Variants in RBFOX1 observed in about 807,000 individuals in gnomAD.
RBFOX1 encodes the protein RNA binding protein fox-1 homolog 1.
In RBFOX1, 8 loss-of-function variants were observed where a neutral mutation model predicts 57.7. The ratio of observed to expected loss-of-function variants is 0.14; its 90% CI spans 0.08 to 0.25. RBFOX1 has a LOEUF of 0.25. Ranked by LOEUF, RBFOX1 falls within the 10% of genes least tolerant of loss-of-function variation. The pLI is 1.00. For missense variants in RBFOX1, 611 were observed against 548.5 expected (o/e 1.11, Z -1.14); for synonymous variants, 326 against 222.4 (o/e 1.47, Z -4.15).
In RBFOX1 at chr16:7,341,736, TTCCCTCCC is replaced by T. The variant is rs1166119622; in HGVS notation, c.28-176399_28-176392del. 3.8e-3 allele frequency among the ~76,000 whole-genome samples: 275 copies of T among 71,958 alleles called. 2 individuals are homozygous for T. In the Middle Eastern group the frequency reaches 0.045, roughly 12 times the overall value. 47.2% of individuals were successfully genotyped at this position (71,958 alleles called of 152,430 possible). On this transcript the variant is annotated intron_variant, in intron 4 of 15. Transcript: ENST00000550418. ...CTTCCTTCCCTCCCTCCCTCCCTCC[TTCCCTCCC>T]TCCCTCCCTCCTTCCCTCCTTCCCT...
chr16:6,380,401 T>A (rs866792691), intron 2 of RBFOX1, among the ~76,000 whole-genome samples: 3 of 12,600 alleles, frequency 2.4e-4, no homozygotes, highest in Admixed American at 2.2e-3. Context: ...GGTGGGGATT[T>A]TTTTTTTTTT....
chr16:7,243,994 GGAGA>G (rs1317347455), intron 4 of RBFOX1, among the ~76,000 whole-genome samples: 2 of 128,706 alleles, frequency 1.6e-5, no homozygotes, highest in African/African-American at 6.4e-5. Flanking sequence ...CTTTTTTCCT[GGAGA>G]GAATGTTCAT....
At chr16:6,353,959 C>T (rs2086838159) in intron 2 of RBFOX1, among the ~76,000 whole-genome samples, 1 of 152,130 alleles carries the variant, frequency 6.6e-6, no homozygotes, top group Non-Finnish European at 1.5e-5. Flanking sequence ...ACAGTTCACG[C>T]CTGTAGTCCC....
intron 4 of RBFOX1, among the ~76,000 whole-genome samples, chr16:7,468,086 G>A (rs1050181472): frequency 6.6e-5 from 10 of 152,170 alleles, no homozygotes; most frequent in African/African-American, 2.4e-4. Context: ...GCAAATAAGC[G>A]AGCATCACAG....
At chr16:5,364,501 A>T (rs2065649502) in intron 1 of RBFOX1, among the ~76,000 whole-genome samples, 1 of 152,216 alleles carries the variant, frequency 6.6e-6, no homozygotes, top group South Asian at 2.1e-4. Context: ...TTGGTTCCCG[A>T]TGCAAGGGAT....
intron 2 of RBFOX1, among the ~76,000 whole-genome samples, chr16:6,565,353 T>A (rs1443049384): frequency 6.6e-6 from 1 of 151,944 alleles, no homozygotes; most frequent in African/African-American, 2.4e-5. Flanking sequence ...ATCTCCCAGA[T>A]TCAAGCTGAT....
At chr16:5,265,259 T>G (rs950835624) in intron 1 of RBFOX1, among the ~76,000 whole-genome samples, 4 of 152,212 alleles carry the variant, frequency 2.6e-5, no homozygotes, top group Non-Finnish European at 5.9e-5. Flanking sequence ...TCTTTCCCCT[T>G]CCACATTCCA....
In RBFOX1 at chr16:5,394,017, CTTTTTCTTT is replaced by C. The variant is rs372144420; in HGVS notation, c.220-73185_220-73177del. ...CTGATTTCGCTTAGCATAGCCATTT[CTTTTTCTTT>C]TTTTTCTTTTTTTCCGAGACAGTGT... On this transcript the variant is annotated intron_variant, in intron 1 of 2. Coordinates refer to the RBFOX1 transcript ENST00000585867. Among the ~76,000 whole-genome samples, 88 of 152,118 alleles carry C rather than the reference CTTTTTCTTT, an allele frequency of 5.8e-4. 1 individual carries two copies. Among genetic ancestry groups the C allele is most frequent in the African/African-American group, 1.9e-3 (80 of 41,492 alleles).
rs538146660 is a variant in RBFOX1 at position 6,019,287 on chromosome 16, G to C, written c.-832G>C. The C allele has an allele frequency of 5.1e-6, 5 of 985,046 alleles. No individual in the cohort carries two copies. In the East Asian group the frequency reaches 4.6e-4, roughly 91 times the overall value. 61.0% of individuals were successfully genotyped at this position (985,046 alleles called of 1,614,324 possible). On this transcript the variant is annotated 5_prime_UTR_variant, in exon 1 of 16. Transcript: ENST00000550418. This position sits in a 1 kb window ranked among gnomAD's most constrained non-coding sequence, Gnocchi z 4.2. ...CCCCTTCCTGGTCTCCCGAGCGCGG[G>C]GTTTGAAGGTCACCTCCTTTCCAGT...
rs187108090 is a variant in RBFOX1 at position 7,133,171 on chromosome 16, A to C, written c.27+81073A>C. On this transcript the variant is annotated intron_variant, in intron 4 of 15. Transcript: ENST00000550418. ...TGACCTAGAAAGAGGTTTTAGTATC[A>C]GATTCTCAATGTTTTTGATGAAGAG... is the stretch of plus-strand genomic sequence containing the variant. 3.8e-3 allele frequency among the ~76,000 whole-genome samples: 584 copies of C among 152,320 alleles called. 5 individuals are homozygous for C. The highest frequency in any genetic ancestry group is 0.014 in the African/African-American group (566 of 41,584).
intron 2 of RBFOX1, among the ~76,000 whole-genome samples, chr16:6,452,308 A>C (rs939024846): frequency 6.8e-6 from 1 of 147,222 alleles, no homozygotes; most frequent in Non-Finnish European, 1.5e-5. Flanking sequence ...GCATCCTTTC[A>C]TGACTCTATC....
chr16:6,881,920 G>A (rs1047723721), intron 3 of RBFOX1, among the ~76,000 whole-genome samples: 1 of 152,170 alleles, frequency 6.6e-6, no homozygotes, highest in Non-Finnish European at 1.5e-5. Flanking sequence ...TTTAGATGTA[G>A]GCTCCTGCTG....
intron 4 of RBFOX1, among the ~76,000 whole-genome samples, chr16:5,997,469 A>T (rs957806013): frequency 6.6e-6 from 1 of 152,168 alleles, no homozygotes; most frequent in Non-Finnish European, 1.5e-5. Context: ...CTGTGATATG[A>T]AGGTGGGGTT....
At chr16:5,457,705 C>T (rs952379814) in intron 1 of RBFOX1, among the ~76,000 whole-genome samples, 8 of 152,230 alleles carry the variant, frequency 5.3e-5, no homozygotes, top group Admixed American at 4.6e-4. Flanking sequence ...AATGCACCCA[C>T]CCCTGTAACT....
intron 3 of RBFOX1, among the ~76,000 whole-genome samples, chr16:6,810,448 G>A (rs975128754): frequency 2.6e-5 from 4 of 152,038 alleles, no homozygotes; most frequent in African/African-American, 7.2e-5. Context: ...AAAAGATGGC[G>A]ACACAAAGGT....
At chr16:5,538,457 T>A (rs1449338670) in intron 2 of RBFOX1, among the ~76,000 whole-genome samples, 1 of 151,888 alleles carries the variant, frequency 6.6e-6, no homozygotes, top group African/African-American at 2.4e-5. Context: ...AGACGAAAAA[T>A]GAGGAGGATT....
intron 4 of RBFOX1, among the ~76,000 whole-genome samples, chr16:7,385,747 G>T (rs991645089): frequency 1.3e-5 from 2 of 151,826 alleles, no homozygotes; most frequent in Non-Finnish European, 2.9e-5. Context: ...GAGACTTTTA[G>T]CTTTTAAGGT....
At chr16:6,962,000 A>T (rs78463245) in intron 3 of RBFOX1, among the ~76,000 whole-genome samples, 2,024 of 152,202 alleles carry the variant, frequency 0.013, 43 homozygotes, top group African/African-American at 0.046. Flanking sequence ...ACAGCTCAGT[A>T]GCTCTCAGCC....
chr16:5,265,160 A>G (rs1318456148), intron 1 of RBFOX1, among the ~76,000 whole-genome samples: 1 of 152,224 alleles, frequency 6.6e-6, no homozygotes, highest in Non-Finnish European at 1.5e-5. Flanking sequence ...TTAGAGAACT[A>G]CAGTGTGGGA....
Sources: allele counts gnomAD v4.1 joint callset (sites outside exome capture counted in the v4.1 genomes callset), GRCh38; gene constraint gnomAD v4.1.1; non-coding constraint Gnocchi (gnomAD v3.1); transcripts MANE v1.5; gene names NCBI Gene and HGNC (gene_info 2026-07-23, HGNC 2026-07-21).